RPS9: variants seen among roughly 807,000 people sequenced by gnomAD.
RPS9 encodes the protein small ribosomal subunit protein uS4.
RPS9 carries 1 observed loss-of-function variant against 16.9 expected under a neutral mutation model. That is an observed-to-expected ratio of 0.06 (90% CI 0.02 to 0.28). The LOEUF (loss-of-function observed/expected upper bound fraction) is 0.28. RPS9 is among the 10% of genes least tolerant of loss of function. RPS9 has a pLI of 1.00. For synonymous variants in RPS9, 106 were observed against 110.9 expected (o/e 0.96, Z 0.28); for missense variants, 137 against 273.2 (o/e 0.50, Z 3.51).
chr19:54,205,384 T>C (rs997279734), intron 3 of RPS9, among the ~76,000 whole-genome samples: 1 of 151,372 alleles, frequency 6.6e-6, no homozygotes, highest in Non-Finnish European at 1.5e-5. Context: ...ATGCAGTGCA[T>C]TGTTAGGTTA....
At position 54,202,583 on chromosome 19, in the gene RPS9, T is replaced by G. The variant is rs541488019; in HGVS notation, c.220+974T>G. 7.1e-6 allele frequency: 7 copies of G among 984,814 alleles called. No individual in the cohort carries two copies. The South Asian group carries it at 2.3e-4, about 33-fold the overall frequency. The allele number at this position is 984,814 out of a possible 1,614,324, so 61.0% of individuals were successfully genotyped here. ...GGTGAAATACACATTAAATTGAAAATGTACCATCTTAACCATCTTGTTTTA... is the reference window on the plus strand; with the variant it reads ...GGTGAAATACACATTAAATTGAAAAGGTACCATCTTAACCATCTTGTTTTA... On this transcript the variant is annotated intron_variant, in intron 3 of 4. Transcript: ENST00000302907.
intron 3 of RPS9, among the ~76,000 whole-genome samples, chr19:54,203,771 T>TGC (rs1555863502): frequency 9.0e-6 from 1 of 111,570 alleles, no homozygotes; most frequent in Non-Finnish European, 2.0e-5. Flanking sequence ...CAACACGAAC[T>TGC]CCCCCCCCAC....
intron 4 of RPS9, 59 bp downstream of exon 4, chr19:54,206,521 C>T: frequency 6.2e-7 from 1 of 1,602,786 alleles, no homozygotes; most frequent in South Asian, 1.1e-5. Flanking sequence ...TGGTTGCCCT[C>T]ACTAAGCCTG....
intron 3 of RPS9, among the ~76,000 whole-genome samples, chr19:54,202,159 C>G (rs1328543752): frequency 6.6e-6 from 1 of 152,072 alleles, no homozygotes. Flanking sequence ...GTAGCTGGGA[C>G]TACAGACAGG....
rs36615 is a variant in RPS9 at position 54,201,339 on chromosome 19, G to A, written c.97+58G>A. ...GCTTCCGGGAGGCGGTTAGCACGTG[G>A]ATGAAGGTGCCCATGTACTCTATCT... On this transcript the variant is annotated intron_variant, in intron 2 of 4. Transcript: ENST00000302907. 0.16 allele frequency: 262,911 copies of A among 1,612,310 alleles called. 22,646 individuals carry two copies. The highest frequency in any genetic ancestry group is 0.27 in the East Asian group (12,076 of 44,784).
Position 54,201,294 on chromosome 19 carries a change from G to A in RPS9, c.97+13G>A. ...CTGAAGCTGATCGGTGAGTGGCCAAGGCTTCCGGGAAGTGGTTCGGCTTCC... is the reference window on the plus strand; with the variant it reads ...CTGAAGCTGATCGGTGAGTGGCCAAAGCTTCCGGGAAGTGGTTCGGCTTCC... On this transcript the variant is annotated intron_variant, in intron 2 of 4. Transcript: ENST00000302907. 6.2e-7 allele frequency: 1 copy of A among 1,614,038 alleles called. No individual in the cohort carries two copies. The highest frequency in any genetic ancestry group is 8.5e-7 in the Non-Finnish European group (1 of 1,179,950).
At position 54,207,451 on chromosome 19, in the gene RPS9, A is replaced by C; in HGVS notation, c.461A>C (p.Gln154Pro). The change falls in exon 5 of 5, where the codon CAG becomes CCG. Residue 154 changes from glutamine (Q) to proline (P), a missense_variant. Gln to Pro is a moderately conservative substitution (Grantham distance 76). Around this residue, in one of 3 missense-constraint regions of RPS9, gnomAD observed 54 missense variants for 90.9 expected, o/e 0.59. Transcript: ENST00000302907. ...TCCTTCATTGTCCGCCTGGATTCCC[A>C]GAAGCACATCGACTTCTCTCTGCGC... is the stretch of plus-strand genomic sequence containing the variant. ...IPSFIVRLDS[Q>P]KHIDFSLRSP... The C allele has an allele frequency of 6.2e-7, 1 of 1,613,828 alleles. No individual in the cohort carries two copies. The highest frequency in any genetic ancestry group is 1.3e-5 in the African/African-American group (1 of 75,026).
chr19:54,201,770 G>A lies in RPS9; in HGVS notation c.220+161G>A, dbSNP rs1423434192. The A allele has an allele frequency of 8.4e-6, 12 of 1,423,978 alleles. No individual in the cohort carries two copies. The Admixed American group carries it at 1.4e-4, about 16-fold the overall frequency. The allele number at this position is 1,423,978 out of a possible 1,614,324, so 88.2% of individuals were successfully genotyped here. The stretch of plus-strand genomic sequence containing the variant: ...CTTGTGGAGTAGGAAAAGTGTATCT[G>A]GATCAGTCTTTGCCCTGTTTCTTAG... On this transcript the variant is annotated intron_variant, in intron 3 of 4. Transcript: ENST00000302907.
chr19:54,203,160 G>T, intron 3 of RPS9: 1 of 924,214 alleles, frequency 1.1e-6, no homozygotes, highest in Non-Finnish European at 1.3e-6. Flanking sequence ...TCTGGACATA[G>T]ATCCTAATTG....
rs545401253 is a variant in RPS9, at chr19:54,202,226, C to G, written c.220+617C>G. 2.2e-4 allele frequency among the ~76,000 whole-genome samples: 34 copies of G among 152,150 alleles called. No homozygotes were observed. In the South Asian group the frequency reaches 5.8e-3, roughly 26 times the overall value. On this transcript the variant is annotated intron_variant, in intron 3 of 4. Coordinates refer to ENST00000302907, the MANE Select transcript of RPS9 (RefSeq NM_001013.4). ...TTGAGACGGAGTCTCGCTCCATTGC[C>G]CATGCTGGAGTGTAGTTGTCGCAAT...
intron 3 of RPS9, chr19:54,202,492 C>A (rs572653368): frequency 1.0e-6 from 1 of 984,356 alleles, no homozygotes; most frequent in South Asian, 4.7e-5. Context: ...CAGGGAACAG[C>A]ATTTCAGGTG....
chr19:54,207,187 T>G, intron 4 of RPS9: 1 of 546,726 alleles, frequency 1.8e-6, no homozygotes, highest in Non-Finnish European at 3.2e-6. Flanking sequence ...AAAATGGGGT[T>G]GAGAAAGTCA....
intron 3 of RPS9, among the ~76,000 whole-genome samples, chr19:54,203,816 T>C (rs1356460467): frequency 8.2e-6 from 1 of 121,426 alleles, no homozygotes; most frequent in Admixed American, 1.2e-4. Flanking sequence ...GTAGGAGTCA[T>C]GTCCATTTTT....
chr19:54,202,748 C>T (rs1165041363), intron 3 of RPS9: 1 of 985,444 alleles, frequency 1.0e-6, no homozygotes, highest in Non-Finnish European at 1.2e-6. Context: ...GCAGTCTCTA[C>T]ACCTGAGCCC....
At chr19:54,202,630 GTTA>G in intron 3 of RPS9, 1 of 985,400 alleles carries the variant, frequency 1.0e-6, no homozygotes, top group Non-Finnish European at 1.2e-6. Context: ...GAGATGCGGT[GTTA>G]TTGGAGTGCT....
intron 4 of RPS9, chr19:54,207,185 G>C: frequency 5.5e-6 from 3 of 546,414 alleles, no homozygotes; most frequent in Non-Finnish European, 9.7e-6. Context: ...ATAAAATGGG[G>C]TTGAGAAAGT....
intron 3 of RPS9, chr19:54,201,974 A>G: frequency 4.0e-6 from 1 of 247,814 alleles, no homozygotes; most frequent in Non-Finnish European, 7.8e-6. Flanking sequence ...TGGTGATAAC[A>G]GGGTTTGCAC....
At chr19:54,200,989 C>T in intron 1 of RPS9, 101 bp downstream of exon 1, 2 of 1,439,076 alleles carry the variant, frequency 1.4e-6, no homozygotes, top group Non-Finnish European at 1.8e-6. Flanking sequence ...GGAAACAGAG[C>T]AGGGTGGTTG....
intron 4 of RPS9, chr19:54,206,711 G>A: frequency 1.3e-6 from 2 of 1,506,076 alleles, no homozygotes; most frequent in Non-Finnish European, 1.8e-6. Flanking sequence ...CCAGGCATGT[G>A]GGCAGCTGGA....
Sources: gnomAD v4.1 joint callset for allele counts (sites outside exome capture counted in the v4.1 genomes callset) on GRCh38, gnomAD v4.1.1 for gene constraint, gnomAD v4.1.1 regional missense constraint, MANE v1.5 for transcripts, NCBI Gene and HGNC (gene_info 2026-07-23, HGNC 2026-07-21) for gene names.